RNF220: variants seen among roughly 807,000 people sequenced by gnomAD.
The protein encoded by RNF220 is ring finger protein 220, also known as E3 ubiquitin-protein ligase RNF220.
RNF220 carries 7 observed loss-of-function variants against 67.1 expected under a neutral mutation model. The ratio of observed to expected loss-of-function variants is 0.10; its 90% CI spans 0.06 to 0.20. The LOEUF is 0.20. Among genes scored for constraint, RNF220 ranks in the 10% least tolerant of loss-of-function variants. The probability of loss-of-function intolerance (pLI) is 1.00; values close to 1 mark genes in which losing one functional copy is unlikely to be tolerated. For missense variants in RNF220, 565 were observed against 740.3 expected, an observed-to-expected ratio of 0.76 and a Z score of 2.75; for synonymous variants, 270 against 283.2, an observed-to-expected ratio of 0.95 and a Z score of 0.47.
intron 2 of RNF220, among the ~76,000 whole-genome samples, chr1:44,504,513 T>C (rs1265210380): frequency 6.6e-6 from 1 of 151,916 alleles, no homozygotes; most frequent in Non-Finnish European, 1.5e-5. Context: ...GCAGGTCCCT[T>C]TGAGAGTCCT....
chr1:44,407,238 C>G (rs1217492666), intron 1 of RNF220, among the ~76,000 whole-genome samples: 1 of 152,102 alleles, frequency 6.6e-6, no homozygotes, highest in Non-Finnish European at 1.5e-5. Context: ...CATCTTGCCT[C>G]TCGCCTCCGC....
At chr1:44,520,122 T>TGAGA (rs1296792228) in intron 2 of RNF220, among the ~76,000 whole-genome samples, 429 of 142,712 alleles carry the variant, frequency 3.0e-3, no homozygotes, top group African/African-American at 0.01. Context: ...TGTGTGTGTG[T>TGAGA]GTGTGTGAGA....
intron 2 of RNF220, chr1:44,419,899 C>G (rs560048802): frequency 6.6e-6 from 1 of 152,286 alleles, no homozygotes; most frequent in South Asian, 2.1e-4. Flanking sequence ...TCTCCTAACC[C>G]TTAGAAACCT....
rs756987991 is a variant in RNF220, at chr1:44,649,014, G to C, written c.1446-647G>C. The C allele has an allele frequency of 7.0e-6, 1 of 143,136 alleles. No individual in the cohort carries two copies. The highest frequency in any genetic ancestry group is 1.6e-5 in the Non-Finnish European group (1 of 62,484). The allele number at this position is 143,136 out of a possible 1,614,324, so 8.9% of individuals were successfully genotyped here. A position where few individuals can be genotyped will look rare whatever the true frequency, so the allele number is the denominator to read the frequency against. ...ATGAGGCAGAGCTAGTGAGTCAGGCGAGGGGGTGCAGAGGGATCACAGTGC... is the reference window on the plus strand; with the variant it reads ...ATGAGGCAGAGCTAGTGAGTCAGGCCAGGGGGTGCAGAGGGATCACAGTGC... On this transcript the variant is annotated intron_variant, in intron 12 of 14. Transcript: ENST00000361799. This position sits in a 1 kb window ranked among gnomAD's most constrained non-coding sequence, Gnocchi z 5.9.
chr1:44,503,950 A>G (rs992539152), intron 2 of RNF220, among the ~76,000 whole-genome samples: 3 of 152,090 alleles, frequency 2.0e-5, no homozygotes, highest in Non-Finnish European at 4.4e-5. Flanking sequence ...CTTGGGTTCA[A>G]GCGATTCTCC....
At chr1:44,632,072 T>G in intron 5 of RNF220, 1 of 1,149,956 alleles carries the variant, frequency 8.7e-7, no homozygotes, top group Non-Finnish European at 1.1e-6. Context: ...CGGGCGGCCG[T>G]GGGGCCCAGA....
At chr1:44,527,917 C>A (rs1332225834) in intron 2 of RNF220, among the ~76,000 whole-genome samples, 1 of 54,840 alleles carries the variant, frequency 1.8e-5, no homozygotes, top group African/African-American at 8.4e-5. Context: ...CAGAGCAAGA[C>A]TCCATCCCAA....
intron 2 of RNF220, among the ~76,000 whole-genome samples, chr1:44,451,562 G>A (rs184121246): frequency 2.6e-4 from 39 of 151,962 alleles, no homozygotes; most frequent in Admixed American, 2.5e-3. Flanking sequence ...GTCTATTGCT[G>A]GTCTTTATTT....
chr1:44,552,659 C>T (rs1012935608), intron 2 of RNF220, among the ~76,000 whole-genome samples: 1 of 149,714 alleles, frequency 6.7e-6, no homozygotes, highest in South Asian at 2.1e-4. Flanking sequence ...CAAGCTCCGC[C>T]TCCCGGGTTC....
chr1:44,491,632 A>G (rs964745344), intron 2 of RNF220, among the ~76,000 whole-genome samples: 17 of 152,168 alleles, frequency 1.1e-4, no homozygotes, highest in Admixed American at 2.6e-4. Context: ...CTTCCTCCCT[A>G]AGATCAGGAA....
intron 12 of RNF220, among the ~76,000 whole-genome samples, chr1:44,646,936 C>CT (rs2148512780): frequency 6.6e-6 from 1 of 152,332 alleles, no homozygotes; most frequent in East Asian, 1.9e-4. Flanking sequence ...CTCCAGGAAT[C>CT]TCCCCACCCC....
intron 2 of RNF220, among the ~76,000 whole-genome samples, chr1:44,520,415 G>A (rs1438819556): frequency 1.3e-5 from 2 of 152,092 alleles, no homozygotes; most frequent in East Asian, 1.9e-4. Flanking sequence ...GCAGTGAGCC[G>A]AGATCGCACC....
chr1:44,422,372 G>A (rs1007628103), intron 2 of RNF220, among the ~76,000 whole-genome samples: 2 of 152,144 alleles, frequency 1.3e-5, no homozygotes, highest in Non-Finnish European at 2.9e-5. Flanking sequence ...AAGTCTGGAC[G>A]CATGGGCTTC....
At chr1:44,493,994 G>GTTAGGAGT (rs1657093671) in intron 2 of RNF220, among the ~76,000 whole-genome samples, 1 of 151,996 alleles carries the variant, frequency 6.6e-6, no homozygotes, top group Non-Finnish European at 1.5e-5. Context: ...ATGACTTCAG[G>GTTAGGAGT]TCAGGAGTTC....
At chr1:44,635,503 C>A (rs184735218) in intron 6 of RNF220, 42 bp from the exon 7 acceptor site, 1 of 1,604,698 alleles carries the variant, frequency 6.2e-7, no homozygotes, top group East Asian at 2.2e-5. Context: ...CTGCAGTGAC[C>A]GTCTGCTTGT....
intron 2 of RNF220, among the ~76,000 whole-genome samples, chr1:44,520,126 TGTGAGAGA>T (rs1659800840): frequency 1.5e-5 from 2 of 132,898 alleles, no homozygotes; most frequent in South Asian, 2.8e-4. Flanking sequence ...TGTGTGTGTG[TGTGAGAGA>T]GAGAGAGAGA....
intron 2 of RNF220, among the ~76,000 whole-genome samples, chr1:44,610,343 C>A (rs1643231356): frequency 6.6e-6 from 1 of 152,222 alleles, no homozygotes; most frequent in South Asian, 2.1e-4. Flanking sequence ...GCGCCCGCAC[C>A]CGCCATCCTC....
intron 2 of RNF220, among the ~76,000 whole-genome samples, chr1:44,594,696 C>T (rs969576989): frequency 3.9e-5 from 6 of 152,198 alleles, no homozygotes; most frequent in African/African-American, 7.2e-5. Flanking sequence ...AGGGGGCATT[C>T]GGTCTTGGGA....
rs536744990 is a variant in RNF220 at position 44,444,735 on chromosome 1, C to T, written c.625+32013C>T. 2.6e-5 allele frequency among the ~76,000 whole-genome samples: 4 copies of T among 152,276 alleles called. 1 individual carries two copies. The highest frequency in any genetic ancestry group is 9.6e-5 in the African/African-American group (4 of 41,552). ...GGATTACAGGAGTGGGCCACCATGC[C>T]CGGCCTACCTTGATTTCTATATCCA... On this transcript the variant is annotated intron_variant, in intron 2 of 14. Coordinates refer to ENST00000361799, the MANE Select transcript of RNF220 (RefSeq NM_018150.4).
Sources: allele counts gnomAD v4.1 joint callset (sites outside exome capture counted in the v4.1 genomes callset), GRCh38; gene constraint gnomAD v4.1.1; non-coding constraint Gnocchi (gnomAD v3.1); transcripts MANE v1.5; gene names NCBI Gene and HGNC (gene_info 2026-07-23, HGNC 2026-07-21).